The following CCDC88C variants were observed in gnomAD, a reference collection of about 807,000 sequenced individuals.
CCDC88C encodes coiled-coil and HOOK domain protein 88C.
Under a neutral mutation model 198.8 loss-of-function variants are expected in CCDC88C, and 131 were observed. That is an observed-to-expected ratio of 0.66 (90% confidence interval 0.57 to 0.76). CCDC88C has a LOEUF of 0.76. CCDC88C is among the 30% of genes least tolerant of loss of function. The pLI is 0.00. For missense variants in CCDC88C, 2,553 were observed against 2,631.6 expected, an observed-to-expected ratio of 0.97 and a Z score of 0.65; for synonymous variants, 1,166 against 1,114.7, an observed-to-expected ratio of 1.05 and a Z score of -0.92.
At chr14:91,397,449 C>T (rs779859347) in intron 3 of CCDC88C, among the ~76,000 whole-genome samples, 1 of 152,104 alleles carries the variant, frequency 6.6e-6, no homozygotes, top group Non-Finnish European at 1.5e-5. Flanking sequence ...TACACACACA[C>T]ACTCACACAC....
chr14:91,289,448 G>T, intron 24 of CCDC88C, 105 bp from the exon 25 acceptor site: 1 of 976,814 alleles, frequency 1.0e-6, no homozygotes, highest in Non-Finnish European at 1.6e-6. Context: ...AGTCTGGGAA[G>T]CTAGGCCACT....
intron 22 of CCDC88C, among the ~76,000 whole-genome samples, chr14:91,295,907 T>C (rs575321920): frequency 6.6e-6 from 1 of 152,262 alleles, no homozygotes; most frequent in Non-Finnish European, 1.5e-5. Context: ...ACTGATGTCC[T>C]TTCAAGAAAA....
At chr14:91,302,242 C>T (rs1055016679) in intron 20 of CCDC88C, among the ~76,000 whole-genome samples, 2 of 152,216 alleles carry the variant, frequency 1.3e-5, no homozygotes, top group Non-Finnish European at 2.9e-5. Flanking sequence ...GAAGAACCAA[C>T]GATCACTTAG....
rs781648642 is a variant in CCDC88C at position 91,279,295 on chromosome 14, T to G, written c.4711A>C (p.Ser1571Arg). The G allele has an allele frequency of 3.1e-6, 5 of 1,601,164 alleles. No homozygotes were observed. Among genetic ancestry groups the G allele is most frequent in the Non-Finnish European group, 4.3e-6 (5 of 1,172,912 alleles). Residue 1571 changes from serine (S) to arginine (R), a missense_variant, in exon 28 of 30, where the codon AGT becomes CGT. By Grantham distance (110) the Ser-to-Arg change is moderately radical. Around this residue, in one of 2 missense-constraint regions of CCDC88C, gnomAD observed 1,293 missense variants for 1,219.6 expected, o/e 1.06. Coordinates refer to ENST00000389857, the MANE Select transcript of CCDC88C (RefSeq NM_001080414.4). Reference sequence around the variant, plus strand: ...GTGTTTCTACTGCTCTCTAAGCTACTTGGCCGCGACACTGAAAGGAAATGG... The same window carrying G: ...GTGTTTCTACTGCTCTCTAAGCTACGTGGCCGCGACACTGAAAGGAAATGG... ...PNHRQYVSRP[S>R]SLESSRNTSS...
intron 3 of CCDC88C, among the ~76,000 whole-genome samples, chr14:91,372,529 G>GGGGGA (rs1239300869): frequency 1.3e-5 from 1 of 75,606 alleles, no homozygotes; most frequent in Non-Finnish European, 2.7e-5. Context: ...GCAGTGGTGC[G>GGGGGA]GGGGGGGGCG....
At chr14:91,373,291 G>A (rs776768119) in intron 3 of CCDC88C, among the ~76,000 whole-genome samples, 2 of 152,150 alleles carry the variant, frequency 1.3e-5, no homozygotes, top group Admixed American at 1.3e-4. Context: ...AGCTGGCTTG[G>A]ACGCTATGCT....
Position 91,381,995 on chromosome 14 carries a change from C to T in CCDC88C, c.271-22284G>A, listed in dbSNP as rs1322239374. On this transcript the variant is annotated intron_variant, in intron 3 of 29. Transcript: ENST00000389857. The surrounding 1 kb of genome is among the most constrained non-coding windows in gnomAD (Gnocchi z 4.2). The stretch of plus-strand genomic sequence containing the variant: ...TCATTGTTTCACACTTTGACTCATC[C>T]TCTACTAGGATAGGTTCTGTAATGT... 6.6e-6 allele frequency among the ~76,000 whole-genome samples: 1 copy of T among 152,128 alleles called. No homozygotes were observed. Among genetic ancestry groups the T allele is most frequent in the East Asian group, 1.9e-4 (1 of 5,196 alleles).
At chr14:91,406,412 G>C (rs1037972070) in intron 3 of CCDC88C, among the ~76,000 whole-genome samples, 5 of 152,116 alleles carry the variant, frequency 3.3e-5, no homozygotes, top group African/African-American at 1.2e-4. Flanking sequence ...GAGGAGGGAG[G>C]ACAGGGATGC....
intron 26 of CCDC88C, 59 bp from the exon 27 acceptor site, chr14:91,281,584 A>G: frequency 1.3e-6 from 2 of 1,503,758 alleles, no homozygotes; most frequent in Non-Finnish European, 1.8e-6. Flanking sequence ...TCCACAGGGA[A>G]CCCCGCCACC....
intron 23 of CCDC88C, among the ~76,000 whole-genome samples, chr14:91,293,561 TGCCACGGCC>T (rs1890850562): frequency 9.4e-5 from 7 of 74,796 alleles, no homozygotes; most frequent in Admixed American, 2.7e-4. Context: ...TCCCCTCGCC[TGCCACGGCC>T]CACCTTCCTG....
In CCDC88C at chr14:91,293,531, TGCCACGGCCCACCTTCCTG is replaced by T; in HGVS notation, c.4112+623_4112+641del. On this transcript the variant is annotated intron_variant, in intron 23 of 29. Transcript: ENST00000389857. ...CGGCCTACCTTCCTGTCCCCTCACC[TGCCACGGCCCACCTTCCTG>T]TCCCCTCGCCTGCCACGGCCCACCT... Among the ~76,000 whole-genome samples the T allele has an allele frequency of 7.8e-3, 108 of 13,914 alleles. 26 individuals carry two copies. The highest frequency in any genetic ancestry group is 9.8e-3 in the South Asian group (4 of 410). The allele number at this position is 13,914 out of a possible 152,430, so 9.1% of individuals were successfully genotyped here.
chr14:91,308,660 T>C lies in CCDC88C; in HGVS notation c.2865-168A>G, dbSNP rs191223290. Among the ~76,000 whole-genome samples, 201 of 152,262 alleles carry C rather than the reference T, an allele frequency of 1.3e-3. 1 individual carries two copies. The highest frequency in any genetic ancestry group is 4.6e-3 in the African/African-American group (193 of 41,552). ...CCAAAACTCATCTTCCCAGAGCCCT[T>C]TGGGGGGTTCCCTGGGTAGAAACAC... On this transcript the variant is annotated intron_variant, in intron 16 of 29. Coordinates refer to ENST00000389857, the MANE Select transcript of CCDC88C (RefSeq NM_001080414.4).
intron 4 of CCDC88C, among the ~76,000 whole-genome samples, chr14:91,347,600 C>T (rs1216090475): frequency 1.3e-5 from 2 of 152,086 alleles, no homozygotes; most frequent in East Asian, 1.9e-4. Flanking sequence ...CCATCACTGG[C>T]CATCAGAGAA....
rs117077828 is a variant in CCDC88C, at chr14:91,365,690, T to C, written c.271-5979A>G. 8.1e-3 allele frequency among the ~76,000 whole-genome samples: 1,241 copies of C among 152,306 alleles called. 8 individuals carry two copies. The highest frequency in any genetic ancestry group is 0.013 in the Non-Finnish European group (916 of 68,022). ...CTTAGCCCCGCTCTGAGAACAAGTA[T>C]GTAGACCCCAACTCTGAGTCAACCA... is the stretch of plus-strand genomic sequence containing the variant. On this transcript the variant is annotated intron_variant, in intron 3 of 29. Transcript: ENST00000389857.
chr14:91,370,322 G>A (rs1030720840), intron 3 of CCDC88C, among the ~76,000 whole-genome samples: 1 of 152,230 alleles, frequency 6.6e-6, no homozygotes, highest in African/African-American at 2.4e-5. Flanking sequence ...TCTTTATGGC[G>A]TTAACTCGGC....
At chr14:91,359,379 C>T (rs552022612) in intron 4 of CCDC88C, among the ~76,000 whole-genome samples, 2 of 152,228 alleles carry the variant, frequency 1.3e-5, no homozygotes, top group South Asian at 2.1e-4. Flanking sequence ...CTTCATGATC[C>T]GGCCGCCTGG....
At chr14:91,393,902 C>G (rs1303085180) in intron 3 of CCDC88C, among the ~76,000 whole-genome samples, 1 of 152,190 alleles carries the variant, frequency 6.6e-6, no homozygotes, top group Non-Finnish European at 1.5e-5. Context: ...AATCTGAATG[C>G]CACAAATTCT....
At chr14:91,291,176 C>A in intron 23 of CCDC88C, 92 bp from the exon 24 acceptor site, 1 of 730,808 alleles carries the variant, frequency 1.4e-6, no homozygotes, top group Non-Finnish European at 2.3e-6. Flanking sequence ...CTGGTGTACC[C>A]GGGGCTGGTA....
chr14:91,386,780 C>T (rs540766130), intron 3 of CCDC88C, among the ~76,000 whole-genome samples: 17 of 152,320 alleles, frequency 1.1e-4, no homozygotes, highest in South Asian at 4.1e-4. Context: ...TCACGCCCAG[C>T]GCCAAAACAG....
Sources: gnomAD v4.1 joint callset for allele counts (sites outside exome capture counted in the v4.1 genomes callset) on GRCh38, gnomAD v4.1.1 for gene constraint, gnomAD v4.1.1 regional missense constraint, Gnocchi (gnomAD v3.1) non-coding constraint, MANE v1.5 for transcripts, NCBI Gene and HGNC (gene_info 2026-07-23, HGNC 2026-07-21) for gene names.